The following PECAM1 variants were observed in gnomAD, a reference collection of about 807,000 sequenced individuals.
PECAM1 encodes the protein platelet and endothelial cell adhesion molecule 1, also known as platelet endothelial cell adhesion molecule.
PECAM1 carries 8 observed loss-of-function variants against 13.8 expected under a neutral mutation model. The observed-to-expected ratio is 0.58, with a 90% CI of 0.34 to 1.05. The LOEUF is 1.05. Ranked by LOEUF, PECAM1 falls within the 50% of genes least tolerant of loss-of-function variation. PECAM1 has a pLI of 0.03. For missense variants in PECAM1, 304 were observed against 141.2 expected (o/e 2.15, Z -5.84); for synonymous variants, 136 against 52.6 (o/e 2.58, Z -6.86).
intron 15 of PECAM1, among the ~76,000 whole-genome samples, chr17:64,324,287 T>TG (rs2034884365): frequency 6.6e-6 from 1 of 152,162 alleles, no homozygotes; most frequent in Non-Finnish European, 1.5e-5. Flanking sequence ...CAAGCAATTT[T>TG]TTTTAGATGG....
chr17:64,360,013 A>C (rs1304375548), intron 7 of PECAM1, 127 bp downstream of exon 7: 7 of 472,510 alleles, frequency 1.5e-5, no homozygotes, highest in Non-Finnish European at 2.7e-5. Context: ...TGGCCTCCTA[A>C]AGTGCTGGGA....
chr17:64,340,736 A>G (rs2143728597), intron 14 of PECAM1, among the ~76,000 whole-genome samples: 1 of 152,258 alleles, frequency 6.6e-6, no homozygotes, highest in East Asian at 1.9e-4. Flanking sequence ...AAGTGGGGCC[A>G]GCCGAACCAA....
chr17:64,375,364 G>T lies in PECAM1; in HGVS notation c.386-8C>A. ...CCCTGGGACTGGGCACTCCTACGGG[G>T]AAAGAGAAAGTCTGTCAGTATCAGC... is the stretch of plus-strand genomic sequence containing the variant. On this transcript the variant is annotated splice_polypyrimidine_tract_variant and splice_region_variant and intron_variant, in intron 3 of 15. Coordinates refer to ENST00000563924, the MANE Select transcript of PECAM1 (RefSeq NM_000442.5). 1 of 462,428 alleles carries T rather than the reference G, an allele frequency of 2.2e-6. No individual in the cohort carries two copies. The highest frequency in any genetic ancestry group is 3.4e-5 in the Admixed American group (1 of 29,114). 28.6% of individuals were successfully genotyped at this position (462,428 alleles called of 1,614,324 possible).
intron 6 of PECAM1, among the ~76,000 whole-genome samples, chr17:64,361,160 T>TGTGTGTGTGTGTGTGTG (rs2035968097): frequency 1.0e-4 from 15 of 148,036 alleles, no homozygotes; most frequent in African/African-American, 3.5e-4. Context: ...TGTGTGTGTG[T>TGTGTGTGTGTGTGTGTG]TCTGAGACCG....
Position 64,376,832 on chromosome 17 carries a change from C to T in PECAM1, c.385+992G>A, listed in dbSNP as rs2036369616. On this transcript the variant is annotated intron_variant, in intron 3 of 15. Coordinates refer to ENST00000563924, the MANE Select transcript of PECAM1 (RefSeq NM_000442.5). ...CTTACTAAAAATACAAAAAATTAGCCAGGCACAGTGGCGCGTGCCTGTAAT... is the reference window on the plus strand; with the variant it reads ...CTTACTAAAAATACAAAAAATTAGCTAGGCACAGTGGCGCGTGCCTGTAAT... 2.6e-5 allele frequency among the ~76,000 whole-genome samples: 4 copies of T among 152,150 alleles called. No homozygotes were observed. In the South Asian group the frequency reaches 8.3e-4, roughly 32 times the overall value.
chr17:64,353,886 T>C (rs2035788394), intron 9 of PECAM1, among the ~76,000 whole-genome samples: 1 of 151,814 alleles, frequency 6.6e-6, no homozygotes, highest in African/African-American at 2.4e-5. Context: ...AAAGAGACAA[T>C]GATATGGGAA....
intron 13 of PECAM1, among the ~76,000 whole-genome samples, chr17:64,343,491 A>T (rs1013956981): frequency 6.6e-6 from 1 of 151,968 alleles, no homozygotes; most frequent in Non-Finnish European, 1.5e-5. Context: ...GCAGACCCCG[A>T]CCTCCTATGG....
intron 7 of PECAM1, among the ~76,000 whole-genome samples, chr17:64,358,111 C>CTTTTGTTTTTTT (rs2035888212): frequency 1.4e-5 from 1 of 71,534 alleles, no homozygotes; most frequent in African/African-American, 5.3e-5. Flanking sequence ...TGGCCACAGT[C>CTTTTGTTTTTTT]TTTTTTTTTT....
chr17:64,364,512 C>T (rs1481948825), intron 5 of PECAM1, among the ~76,000 whole-genome samples: 1 of 151,990 alleles, frequency 6.6e-6, no homozygotes, highest in African/African-American at 2.4e-5. Context: ...GGCAGAGATA[C>T]AACCAAAAAA....
intron 13 of PECAM1, among the ~76,000 whole-genome samples, chr17:64,345,972 AAGG>A (rs1460306822): frequency 6.6e-6 from 1 of 152,158 alleles, no homozygotes; most frequent in Non-Finnish European, 1.5e-5. Flanking sequence ...AAGAGAAGAC[AAGG>A]AGAAGTCCAA....
At chr17:64,376,305 A>AAAATAAATAAATAAAT (rs386627358) in intron 3 of PECAM1, among the ~76,000 whole-genome samples, 5 of 148,410 alleles carry the variant, frequency 3.4e-5, no homozygotes, top group African/African-American at 1.2e-4. Context: ...ACTCTGTCTA[A>AAAATAAATAAATAAAT]AAATAAATAA....
chr17:64,356,551 T>C (rs6504222), intron 7 of PECAM1, among the ~76,000 whole-genome samples, 153 bp from the exon 8 acceptor site: 120,845 of 150,284 alleles, frequency 0.8, 54,247 homozygotes, highest in East Asian at 1. Context: ...CTCAGCTTAC[T>C]GCAACGTGTG....
chr17:64,358,508 C>T (rs1239065358), intron 7 of PECAM1, among the ~76,000 whole-genome samples: 2 of 152,172 alleles, frequency 1.3e-5, no homozygotes, highest in African/African-American at 4.8e-5. Flanking sequence ...TCTGCCCACC[C>T]ATTCTCAAGC....
At chr17:64,342,546 T>A (rs926951888) in intron 13 of PECAM1, among the ~76,000 whole-genome samples, 1 of 152,146 alleles carries the variant, frequency 6.6e-6, no homozygotes, top group African/African-American at 2.4e-5. Flanking sequence ...GGCTGGCTGT[T>A]TTCACTGCTG....
chr17:64,382,534 CTT>C (rs1303801166), intron 2 of PECAM1, among the ~76,000 whole-genome samples: 1 of 152,038 alleles, frequency 6.6e-6, no homozygotes, highest in Non-Finnish European at 1.5e-5. Flanking sequence ...AAAGTCGACT[CTT>C]TTTTTATTTT....
At chr17:64,363,537 T>A in intron 5 of PECAM1, 140 bp from the exon 6 acceptor site, 1 of 460,330 alleles carries the variant, frequency 2.2e-6, no homozygotes, top group Non-Finnish European at 3.9e-6. Context: ...TTGCTTCTCA[T>A]GTACCTAACG....
At chr17:64,347,945 GGTC>G (rs2035621709) in intron 13 of PECAM1, among the ~76,000 whole-genome samples, 1 of 151,786 alleles carries the variant, frequency 6.6e-6, no homozygotes, top group Non-Finnish European at 1.5e-5. Context: ...TGGTCAGGCT[GGTC>G]TCGAACTCCT....
intron 5 of PECAM1, among the ~76,000 whole-genome samples, chr17:64,363,806 T>C (rs1207687966): frequency 1.3e-5 from 2 of 151,640 alleles, no homozygotes; most frequent in Non-Finnish European, 2.9e-5. Context: ...TTAGCCAGCA[T>C]GGTGGTGGGC....
chr17:64,384,129 C>G (rs55712154), intron 2 of PECAM1, among the ~76,000 whole-genome samples: 2 of 152,096 alleles, frequency 1.3e-5, no homozygotes, highest in African/African-American at 4.8e-5. Context: ...AAAACTCCAT[C>G]TCAGAAAATA....
Sources: allele counts gnomAD v4.1 joint callset (sites outside exome capture counted in the v4.1 genomes callset), GRCh38; gene constraint gnomAD v4.1.1; transcripts MANE v1.5; gene names NCBI Gene and HGNC (gene_info 2026-07-23, HGNC 2026-07-21).